FSTL5: variants seen among roughly 807,000 people sequenced by gnomAD.
FSTL5 encodes the protein follistatin like 5.
In FSTL5, 62 loss-of-function variants were observed where a neutral mutation model predicts 89.1. The observed-to-expected ratio is 0.70, with a 90% CI of 0.57 to 0.86. FSTL5 has a LOEUF of 0.86. Ranked by LOEUF, FSTL5 falls within the 40% of genes least tolerant of loss-of-function variation. The pLI is 0.00. For missense variants in FSTL5, 1,057 were observed against 1,001.6 expected, an observed-to-expected ratio of 1.06 and a Z score of -0.75; for synonymous variants, 383 against 346.2, an observed-to-expected ratio of 1.11 and a Z score of -1.18.
At chr4:161,734,478 G>C (rs1175224844) in intron 6 of FSTL5, among the ~76,000 whole-genome samples, 1 of 152,096 alleles carries the variant, frequency 6.6e-6, no homozygotes, top group East Asian at 1.9e-4. Flanking sequence ...TCTTATCTCT[G>C]GGCCTTAATT....
chr4:161,514,654 T>C (rs1230870229), intron 10 of FSTL5, among the ~76,000 whole-genome samples: 1 of 152,166 alleles, frequency 6.6e-6, no homozygotes, highest in African/African-American at 2.4e-5. Context: ...AATCAAAATA[T>C]TGAATTGTGA....
intron 6 of FSTL5, among the ~76,000 whole-genome samples, chr4:161,717,236 C>A (rs1739019200): frequency 6.6e-6 from 1 of 152,122 alleles, no homozygotes; most frequent in Non-Finnish European, 1.5e-5. Context: ...ATTCTATTTT[C>A]TTTAGAGATT....
intron 8 of FSTL5, among the ~76,000 whole-genome samples, chr4:161,576,730 G>T (rs1733221935): frequency 1.3e-5 from 2 of 152,102 alleles, no homozygotes; most frequent in African/African-American, 2.4e-5. Flanking sequence ...CAAACAAAAA[G>T]AGAAATAGAT....
At chr4:161,462,114 G>A (rs1272915786) in intron 13 of FSTL5, among the ~76,000 whole-genome samples, 1 of 152,140 alleles carries the variant, frequency 6.6e-6, no homozygotes, top group African/African-American at 2.4e-5. Flanking sequence ...CAAAGCATAG[G>A]TTAGGCTAAC....
intron 6 of FSTL5, among the ~76,000 whole-genome samples, chr4:161,664,063 C>A (rs1736804640): frequency 6.6e-6 from 1 of 152,186 alleles, no homozygotes; most frequent in Non-Finnish European, 1.5e-5. Flanking sequence ...AGCACAGAGT[C>A]CCAGGGCCTG....
chr4:161,956,187 G>T (rs1190234341), intron 3 of FSTL5, among the ~76,000 whole-genome samples: 1 of 151,750 alleles, frequency 6.6e-6, no homozygotes, highest in Non-Finnish European at 1.5e-5. Context: ...GTAGAACTAA[G>T]GAAGGGATAA....
At chr4:161,910,111 A>G (rs1345539325) in intron 4 of FSTL5, among the ~76,000 whole-genome samples, 1 of 152,134 alleles carries the variant, frequency 6.6e-6, no homozygotes, top group Non-Finnish European at 1.5e-5. Flanking sequence ...ACTTGATTTC[A>G]GCAGCGATTA....
At chr4:161,853,544 C>A (rs1384632430) in intron 4 of FSTL5, among the ~76,000 whole-genome samples, 2 of 144,492 alleles carry the variant, frequency 1.4e-5, no homozygotes, top group Non-Finnish European at 3.0e-5. Flanking sequence ...TCCCAAGTGG[C>A]TTTTTTTTTT....
intron 3 of FSTL5, among the ~76,000 whole-genome samples, chr4:162,017,923 C>T (rs1345701868): frequency 6.6e-6 from 1 of 152,108 alleles, no homozygotes. Context: ...TGCATTGCTG[C>T]CCAGGATTAT....
intron 1 of FSTL5, among the ~76,000 whole-genome samples, chr4:162,115,553 A>G (rs1731604684): frequency 6.6e-6 from 1 of 152,226 alleles, no homozygotes; most frequent in Admixed American, 6.5e-5. Context: ...AAAACAAACC[A>G]GCTGGAACAG....
At chr4:161,734,043 A>T (rs1364750523) in intron 6 of FSTL5, among the ~76,000 whole-genome samples, 1 of 152,060 alleles carries the variant, frequency 6.6e-6, no homozygotes, top group Non-Finnish European at 1.5e-5. Flanking sequence ...TTACGTATTT[A>T]ATCTGTTTAC....
intron 7 of FSTL5, among the ~76,000 whole-genome samples, chr4:161,588,595 A>T (rs1189788819): frequency 1.3e-5 from 2 of 152,202 alleles, no homozygotes; most frequent in Non-Finnish European, 2.9e-5. Flanking sequence ...GGTAATGACT[A>T]TTCTGGCAAA....
At chr4:162,100,372 A>G (rs186912570) in intron 2 of FSTL5, among the ~76,000 whole-genome samples, 4 of 152,310 alleles carry the variant, frequency 2.6e-5, no homozygotes, top group Admixed American at 6.5e-5. Context: ...CATCCTGGCT[A>G]ACACGGTGAA....
At chr4:161,493,266 A>T (rs1037449425) in intron 12 of FSTL5, among the ~76,000 whole-genome samples, 1 of 151,874 alleles carries the variant, frequency 6.6e-6, no homozygotes, top group East Asian at 1.9e-4. Flanking sequence ...TTAGAATTGT[A>T]TAAGCAAAAT....
At chr4:161,721,168 CT>C (rs1739194531) in intron 6 of FSTL5, among the ~76,000 whole-genome samples, 1 of 149,912 alleles carries the variant, frequency 6.7e-6, no homozygotes, top group African/African-American at 2.4e-5. Flanking sequence ...GTCCCAGTTA[CT>C]GGGGAGGCTG....
At chr4:161,576,637 G>A (rs1025592721) in intron 8 of FSTL5, among the ~76,000 whole-genome samples, 2 of 152,124 alleles carry the variant, frequency 1.3e-5, no homozygotes, top group African/African-American at 4.8e-5. Flanking sequence ...ATAGAAACTG[G>A]ATCCCTTTCT....
chr4:161,989,851 A>T (rs925325912), intron 3 of FSTL5, among the ~76,000 whole-genome samples: 1 of 152,152 alleles, frequency 6.6e-6, no homozygotes, highest in African/African-American at 2.4e-5. Flanking sequence ...AACCATGTAC[A>T]AAAATATGAA....
intron 3 of FSTL5, among the ~76,000 whole-genome samples, chr4:161,995,344 A>C (rs754485776): frequency 3.3e-5 from 5 of 152,178 alleles, no homozygotes; most frequent in Non-Finnish European, 7.4e-5. Flanking sequence ...TGAGAAGTGC[A>C]GTAACTTGCC....
At chr4:161,972,886 AAACATTCACC>A (rs1388830734) in intron 3 of FSTL5, among the ~76,000 whole-genome samples, 1 of 152,216 alleles carries the variant, frequency 6.6e-6, no homozygotes, top group African/African-American at 2.4e-5. Flanking sequence ...CAACCATCTA[AAACATTCACC>A]ACAATTTACA....
Sources: allele counts gnomAD v4.1 joint callset (sites outside exome capture counted in the v4.1 genomes callset), GRCh38; gene constraint gnomAD v4.1.1; transcripts MANE v1.5; gene names NCBI Gene and HGNC (gene_info 2026-07-23, HGNC 2026-07-21).